The following CASKIN2 variants were observed in gnomAD, a reference collection of about 807,000 sequenced individuals.
CASKIN2 encodes the protein CASK interacting protein 2, also known as caskin-2.
CASKIN2 carries 41 observed loss-of-function variants against 107.1 expected under a neutral mutation model. That is an observed-to-expected ratio of 0.38 (90% CI 0.30 to 0.50). The LOEUF (loss-of-function observed/expected upper bound fraction) is 0.50, where lower values mean the gene tolerates loss of function less well. Among genes scored for constraint, CASKIN2 ranks in the 20% least tolerant of loss-of-function variants. The pLI is 0.92. For synonymous variants in CASKIN2, 724 were observed against 705.6 expected, an observed-to-expected ratio of 1.03 and a Z score of -0.41; for missense variants, 1,546 against 1,657.4, an observed-to-expected ratio of 0.93 and a Z score of 1.17.
At chr17:75,509,963 G>C in intron 2 of CASKIN2, 1 of 982,884 alleles carries the variant, frequency 1.0e-6, no homozygotes, top group Non-Finnish European at 1.2e-6. Context: ...TAGCCGGAAA[G>C]GCGGTGGGGA....
chr17:75,510,527 T>TC (rs35148563), intron 2 of CASKIN2, among the ~76,000 whole-genome samples: 106,908 of 151,944 alleles, frequency 0.7, 38,687 homozygotes, highest in Middle Eastern at 0.85. Flanking sequence ...ATACACAGAG[T>TC]CCCAGGCCCT....
chr17:75,511,951 CAG>C (rs1331443538), intron 2 of CASKIN2, among the ~76,000 whole-genome samples: 12 of 152,222 alleles, frequency 7.9e-5, no homozygotes, highest in East Asian at 1.9e-4. Context: ...ACAGAGGTGA[CAG>C]AAGAGGGGAG....
At chr17:75,503,991 A>T (rs764437932) in intron 14 of CASKIN2, 29 bp from the exon 15 acceptor site, 1 of 1,583,570 alleles carries the variant, frequency 6.3e-7, no homozygotes, top group Admixed American at 1.7e-5. Flanking sequence ...GGGCAGAATT[A>T]GCAGGAGCTG....
Position 75,504,688 on chromosome 17 carries a change from C to A in CASKIN2, c.1198G>T (p.Asp400Tyr). 6.3e-7 allele frequency: 1 copy of A among 1,594,502 alleles called. No individual in the cohort carries two copies. The highest frequency in any genetic ancestry group is 1.1e-5 in the South Asian group (1 of 89,510). Residue 400 changes from aspartate (D) to tyrosine (Y), a missense_variant, in exon 12 of 20, where the codon GAC becomes TAC. Transcript: ENST00000321617. Reference protein sequence around the residue: ...VGLSPDSPAGDRNSVGSEGSV... With the variant: ...VGLSPDSPAGYRNSVGSEGSV... ...CCCTCACTGCCCACACTATTCCTGT[C>A]ACCTGCTGTGGGGGGCAGAAGCCAA...
chr17:75,502,677 G>A lies in CASKIN2; in HGVS notation c.2397C>T (p.His799=), dbSNP rs767642565. The A allele has an allele frequency of 3.1e-6, 5 of 1,602,292 alleles. No individual in the cohort carries two copies. The South Asian group carries it at 3.3e-5, about 11-fold the overall frequency. ...CTGTGGGGCCAGGGCGGCTTAGGCT[G>A]TGGGACCGGCGCTTAGGTCGAGGCG... ...PDPPRPKRRS[H]SLSRPGPTEG... The change falls in exon 18 of 20, where the codon CAC becomes CAT. Residue 799 remains histidine (H), a synonymous_variant. Coordinates refer to ENST00000321617, the MANE Select transcript of CASKIN2 (RefSeq NM_020753.5). The surrounding 1 kb of genome is among the most constrained non-coding windows in gnomAD (Gnocchi z 4.3).
At position 75,501,459 on chromosome 17, in the gene CASKIN2, C is replaced by G; in HGVS notation, c.3518+9G>C. ...AGCCTTCTCTCCCTCCCCATCCGGC[C>G]CCCCTCACCCCTCTTGCTCCTTGGT... On this transcript the variant is annotated intron_variant, in intron 19 of 19. Coordinates refer to ENST00000321617, the MANE Select transcript of CASKIN2 (RefSeq NM_020753.5). 6.2e-7 allele frequency: 1 copy of G among 1,601,238 alleles called. No homozygotes were observed. Among genetic ancestry groups the G allele is most frequent in the Non-Finnish European group, 8.5e-7 (1 of 1,170,636 alleles).
At chr17:75,504,742 C>T in intron 11 of CASKIN2, 49 bp from the exon 12 acceptor site, 2 of 1,576,260 alleles carry the variant, frequency 1.3e-6, no homozygotes, top group Non-Finnish European at 1.7e-6. Flanking sequence ...GTCGCTCTGA[C>T]AGCTGTCTGG....
chr17:75,501,386 A>T, intron 19 of CASKIN2, 82 bp downstream of exon 19: 1 of 1,456,152 alleles, frequency 6.9e-7, no homozygotes, highest in Non-Finnish European at 9.4e-7. Flanking sequence ...CCCCTCCAAC[A>T]TCCCCATGAT....
At position 75,506,011 on chromosome 17, in the gene CASKIN2, T is replaced by A. The variant is rs2053261309; in HGVS notation, c.727-82A>T. On this transcript the variant is annotated intron_variant, in intron 8 of 19. Coordinates refer to ENST00000321617, the MANE Select transcript of CASKIN2 (RefSeq NM_020753.5). The surrounding 1 kb of genome is among the most constrained non-coding windows in gnomAD (Gnocchi z 4.8). ...TTCTCTCAGCTACCCGGGACATAGGTACTATTACCATTTTCCGATTTTACA... is the reference window on the plus strand; with the variant it reads ...TTCTCTCAGCTACCCGGGACATAGGAACTATTACCATTTTCCGATTTTACA... The A allele has an allele frequency of 9.8e-6, 12 of 1,223,908 alleles. No homozygotes were observed. In the South Asian group the frequency reaches 1.1e-4, roughly 11 times the overall value. 75.8% of individuals were successfully genotyped at this position (1,223,908 alleles called of 1,614,324 possible). A position where few individuals can be genotyped will look rare whatever the true frequency, so the allele number is the denominator to read the frequency against.
At chr17:75,507,214 A>G in intron 4 of CASKIN2, 85 bp from the exon 5 acceptor site, 1 of 1,451,544 alleles carries the variant, frequency 6.9e-7, no homozygotes, top group South Asian at 1.3e-5. Context: ...GAGCCAGCCC[A>G]GCTGGGAGGG....
At position 75,505,745 on chromosome 17, in the gene CASKIN2, C is replaced by T; in HGVS notation, c.835+76G>A. On this transcript the variant is annotated intron_variant, in intron 9 of 19. Coordinates refer to ENST00000321617, the MANE Select transcript of CASKIN2 (RefSeq NM_020753.5). This position sits in a 1 kb window ranked among gnomAD's most constrained non-coding sequence, Gnocchi z 5.1. ...CTTGACAACCCTCCCCCAGGGACGT[C>T]CACTCCCCCTCCACATCCTGGTACC... The T allele has an allele frequency of 6.4e-7, 1 of 1,558,930 alleles. No individual in the cohort carries two copies. Among genetic ancestry groups the T allele is most frequent in the Non-Finnish European group, 8.8e-7 (1 of 1,136,512 alleles).
chr17:75,505,393 G>A lies in CASKIN2; in HGVS notation c.930+164C>T. The A allele has an allele frequency of 1.4e-6, 1 of 708,400 alleles. No individual in the cohort carries two copies. Among genetic ancestry groups the A allele is most frequent in the East Asian group, 2.5e-5 (1 of 40,042 alleles). The allele number at this position is 708,400 out of a possible 1,614,324, so 43.9% of individuals were successfully genotyped here. A position where few individuals can be genotyped will look rare whatever the true frequency, so the allele number is the denominator to read the frequency against. On this transcript the variant is annotated intron_variant, in intron 10 of 19. Coordinates refer to ENST00000321617, the MANE Select transcript of CASKIN2 (RefSeq NM_020753.5). The surrounding 1 kb of genome is among the most constrained non-coding windows in gnomAD (Gnocchi z 5.1). ...TGTTTAATTCTCAATTTTGTCATCT[G>A]TAAAGAAGAAATGCTAACAGCACTG...
chr17:75,504,233 T>G lies in CASKIN2; in HGVS notation c.1449A>C (p.Glu483Asp), dbSNP rs1641559809. The change falls in exon 14 of 20, where the codon GAA becomes GAC. Residue 483 changes from glutamate (E) to aspartate (D), a missense_variant. Coordinates refer to ENST00000321617, the MANE Select transcript of CASKIN2 (RefSeq NM_020753.5). The stretch of plus-strand genomic sequence containing the variant: ...GTCACACCTTCCCCTCCAGCAGCTG[T>G]TCTGGCCGCACGTCCTGGGTGAAGA... ...EQIFTQDVRP[E>D]QLLEGKDAQA... 1 of 1,489,532 alleles carries G rather than the reference T, an allele frequency of 6.7e-7. No homozygotes were observed. The highest frequency in any genetic ancestry group is 1.9e-5 in the Admixed American group (1 of 52,796). 92.3% of individuals were successfully genotyped at this position (1,489,532 alleles called of 1,614,324 possible).
Position 75,502,032 on chromosome 17 carries a change from G to A in CASKIN2, c.3042C>T (p.Ala1014=). 6.2e-7 allele frequency: 1 copy of A among 1,612,610 alleles called. No individual in the cohort carries two copies. Among genetic ancestry groups the A allele is most frequent in the Non-Finnish European group, 8.5e-7 (1 of 1,179,866 alleles). Residue 1014 remains alanine (A), a synonymous_variant, in exon 18 of 20, where the codon GCC becomes GCT. Transcript: ENST00000321617. The surrounding 1 kb of genome is among the most constrained non-coding windows in gnomAD (Gnocchi z 4.3). ...TALLAFGVAS[A]TPGPAAPLPS... ...GCAGTGGGGCAGCGGGGCCAGGCGT[G>A]GCACTGGCCACTCCGAAGGCCAGCA...
chr17:75,514,332 C>T (rs1027955608), intron 1 of CASKIN2, 124 bp from the exon 2 acceptor site: 3 of 396,232 alleles, frequency 7.6e-6, no homozygotes, highest in East Asian at 3.6e-5. Context: ...TGGCTCCCCT[C>T]GGAGTCGATG....
At chr17:75,509,928 G>C in intron 2 of CASKIN2, 1 of 985,786 alleles carries the variant, frequency 1.0e-6, no homozygotes, top group South Asian at 4.7e-5. Context: ...GGCCAGGCTG[G>C]GTGGCTCCGT....
chr17:75,504,362 C>T (rs1025698693), intron 13 of CASKIN2, 56 bp from the exon 14 acceptor site: 1 of 1,595,840 alleles, frequency 6.3e-7, no homozygotes, highest in Non-Finnish European at 8.6e-7. Context: ...GGGTGCCCAC[C>T]CTCGGCCTCC....
At chr17:75,508,143 T>C in intron 3 of CASKIN2, 91 bp downstream of exon 3, 2 of 1,377,718 alleles carry the variant, frequency 1.5e-6, no homozygotes, top group Non-Finnish European at 1.0e-6. Context: ...AAAGGGACCC[T>C]GGGCCTCAGG....
Position 75,504,484 on chromosome 17 carries a change from G to C in CASKIN2, c.1315-4C>G. The C allele has an allele frequency of 6.2e-7, 1 of 1,605,018 alleles. No individual in the cohort carries two copies. The highest frequency in any genetic ancestry group is 1.3e-5 in the African/African-American group (1 of 74,900). On this transcript the variant is annotated splice_polypyrimidine_tract_variant and splice_region_variant and intron_variant, in intron 12 of 19. Transcript: ENST00000321617. ...CCTCTCCAGCAGAGGGCAGTGGCTG[G>C]AGGAGACAGGGCAGGAGCCAACTCA...
Sources: gnomAD v4.1 joint callset for allele counts (sites outside exome capture counted in the v4.1 genomes callset) on GRCh38, gnomAD v4.1.1 for gene constraint, Gnocchi (gnomAD v3.1) non-coding constraint, MANE v1.5 for transcripts, NCBI Gene and HGNC (gene_info 2026-07-23, HGNC 2026-07-21) for gene names.